Variants in GPAM observed in about 807,000 individuals in gnomAD.
The protein encoded by GPAM is glycerol-3-phosphate acyltransferase 1, mitochondrial.
In GPAM, 56 loss-of-function variants were observed where a neutral mutation model predicts 105.0. The ratio of observed to expected loss-of-function variants is 0.53; its 90% CI spans 0.43 to 0.67. GPAM has a LOEUF of 0.67. Ranked by LOEUF, GPAM falls within the 30% of genes least tolerant of loss-of-function variation. The pLI is 0.00. For synonymous variants in GPAM, 368 were observed against 354.4 expected (o/e 1.04, Z -0.43); for missense variants, 855 against 989.8 (o/e 0.86, Z 1.83).
intron 4 of GPAM, among the ~76,000 whole-genome samples, chr10:112,180,198 A>G (rs1847482664): frequency 6.6e-6 from 1 of 152,162 alleles, no homozygotes; most frequent in Non-Finnish European, 1.5e-5. Context: ...ACTCCTTTGA[A>G]GACTTAACCA....
At chr10:112,201,919 A>G (rs1409504436) in intron 1 of GPAM, among the ~76,000 whole-genome samples, 1 of 152,174 alleles carries the variant, frequency 6.6e-6, no homozygotes, top group African/African-American at 2.4e-5. Context: ...TTGAGCATTT[A>G]CTCTGTGCCA....
rs1254275012 is a variant in GPAM at position 112,152,216 on chromosome 10, C to T, written c.*1334G>A. 2.1e-6 allele frequency: 2 copies of T among 973,654 alleles called. No individual in the cohort carries two copies. Among genetic ancestry groups the T allele is most frequent in the African/African-American group, 3.5e-5 (2 of 56,888 alleles). The allele number at this position is 973,654 out of a possible 1,614,324, so 60.3% of individuals were successfully genotyped here. On this transcript the variant is annotated 3_prime_UTR_variant, in exon 22 of 22. Transcript: ENST00000348367. ...AATTCCATAATATCTTGGAGATAAG[C>T]AACAGTAAACTGTTAGAAAACGTTT... is the stretch of plus-strand genomic sequence containing the variant.
chr10:112,151,775 C>T lies in GPAM; in HGVS notation c.*1775G>A. On this transcript the variant is annotated 3_prime_UTR_variant, in exon 22 of 22. Transcript: ENST00000348367. Reference sequence around the variant, plus strand: ...AGAGACTAGTGAAATGTTTGCTTCCCCAGATAAGGAACACCCAAGACTCCC... The same window carrying T: ...AGAGACTAGTGAAATGTTTGCTTCCTCAGATAAGGAACACCCAAGACTCCC... 1.0e-6 allele frequency: 1 copy of T among 984,830 alleles called. No homozygotes were observed. The highest frequency in any genetic ancestry group is 1.2e-6 in the Non-Finnish European group (1 of 829,524). 61.0% of individuals were successfully genotyped at this position (984,830 alleles called of 1,614,324 possible).
In GPAM at chr10:112,175,581, C is replaced by G; in HGVS notation, c.413+19G>C. The G allele has an allele frequency of 7.5e-7, 1 of 1,341,274 alleles. No homozygotes were observed. The highest frequency in any genetic ancestry group is 2.3e-5 in the East Asian group (1 of 43,614). 83.1% of individuals were successfully genotyped at this position (1,341,274 alleles called of 1,614,324 possible). On this transcript the variant is annotated intron_variant, in intron 6 of 21. Coordinates refer to ENST00000348367, the MANE Select transcript of GPAM (RefSeq NM_001244949.2). The stretch of plus-strand genomic sequence containing the variant: ...CCATCCCTGCCTCTTCCCACCTTTA[C>G]ACCTTGCCCCGCCCTTACCTACTGC...
chr10:112,151,120 T>G lies in GPAM; in HGVS notation c.*2430A>C, dbSNP rs1204546842. On this transcript the variant is annotated 3_prime_UTR_variant, in exon 22 of 22. Coordinates refer to ENST00000348367, the MANE Select transcript of GPAM (RefSeq NM_001244949.2). Reference sequence around the variant, plus strand: ...TTCATGTTGTTTAATATTGTTTTTTTTTTTTAACTTGACCACAGTCTTCCC... The same window carrying G: ...TTCATGTTGTTTAATATTGTTTTTTGTTTTTAACTTGACCACAGTCTTCCC... The G allele has an allele frequency of 1.0e-6, 1 of 984,966 alleles. No homozygotes were observed. Among genetic ancestry groups the G allele is most frequent in the Admixed American group, 6.1e-5 (1 of 16,290 alleles). The allele number at this position is 984,966 out of a possible 1,614,324, so 61.0% of individuals were successfully genotyped here. A position where few individuals can be genotyped will look rare whatever the true frequency, so the allele number is the denominator to read the frequency against.
intron 20 of GPAM, 181 bp from the exon 21 acceptor site, chr10:112,154,868 C>A (rs770517340): frequency 1.1e-5 from 7 of 664,014 alleles, no homozygotes; most frequent in Admixed American, 2.2e-5. Flanking sequence ...TGCTGTTAAA[C>A]CTACTTTGCT....
Position 112,164,681 on chromosome 10 carries a change from T to C in GPAM, c.1222-71A>G. 4.7e-6 allele frequency: 4 copies of C among 855,662 alleles called. No individual in the cohort carries two copies. The East Asian group carries it at 7.3e-5, about 16-fold the overall frequency. The allele number at this position is 855,662 out of a possible 1,614,324, so 53.0% of individuals were successfully genotyped here. A position where few individuals can be genotyped will look rare whatever the true frequency, so the allele number is the denominator to read the frequency against. ...CAACATATAAAATGTAATTTCATCT[T>C]CCAAAGGTTAAAAGGGAGTTGTTTA... On this transcript the variant is annotated intron_variant, in intron 12 of 21. Coordinates refer to ENST00000348367, the MANE Select transcript of GPAM (RefSeq NM_001244949.2).
chr10:112,181,426 A>T (rs7094703), intron 3 of GPAM, among the ~76,000 whole-genome samples: 10,000 of 152,118 alleles, frequency 0.066, 1,091 homozygotes, highest in African/African-American at 0.23. Context: ...CCGACCCAAA[A>T]CTACTACTAG....
chr10:112,165,699 A>T (rs543261461), intron 12 of GPAM, among the ~76,000 whole-genome samples: 1 of 152,184 alleles, frequency 6.6e-6, no homozygotes, highest in Admixed American at 6.5e-5. Flanking sequence ...TCTCAAAAAA[A>T]AAGTTACCCA....
chr10:112,151,263 T>C lies in GPAM; in HGVS notation c.*2287A>G, dbSNP rs1846913058. The C allele has an allele frequency of 2.0e-6, 2 of 985,640 alleles. No individual in the cohort carries two copies. Among genetic ancestry groups the C allele is most frequent in the South Asian group, 9.4e-5 (2 of 21,280 alleles). The allele number at this position is 985,640 out of a possible 1,614,324, so 61.1% of individuals were successfully genotyped here. The stretch of plus-strand genomic sequence containing the variant: ...GGAAGCCATCACTGTTGGAAAACAA[T>C]GAGAATGTATCTTTTAGCAAAACGG... On this transcript the variant is annotated 3_prime_UTR_variant, in exon 22 of 22. Transcript: ENST00000348367.
rs963839586 is a variant in GPAM, at chr10:112,150,279, C to T, written c.*3271G>A. 1.0e-6 allele frequency: 1 copy of T among 985,210 alleles called. No individual in the cohort carries two copies. 61.0% of individuals were successfully genotyped at this position (985,210 alleles called of 1,614,324 possible). ...ACTACAACTATCTGTGGATAAAAAT[C>T]TGCATTCAAACGTACAATACTTTCT... On this transcript the variant is annotated 3_prime_UTR_variant, in exon 22 of 22. Transcript: ENST00000348367.
chr10:112,206,882 A>C (rs1046596251), intron 1 of GPAM, among the ~76,000 whole-genome samples: 3 of 151,806 alleles, frequency 2.0e-5, no homozygotes, highest in Non-Finnish European at 4.4e-5. Flanking sequence ...TCTTCACTCT[A>C]CCTCCATGCC....
In GPAM at chr10:112,160,013, C is replaced by G; in HGVS notation, c.1800G>C (p.Gly600=). ...GGTTAGGTGGGGTGCTAGTGGGACC[C>G]CCCAGTCCCCTCTTGTTCAGAACTG... ...LYAVLNKRGL[G]GPTSTPPNLI... Residue 600 remains glycine (G), a synonymous_variant, in exon 17 of 22, where the codon GGG becomes GGC. Transcript: ENST00000348367. 6.2e-7 allele frequency: 1 copy of G among 1,613,298 alleles called. No individual in the cohort carries two copies. The highest frequency in any genetic ancestry group is 8.5e-7 in the Non-Finnish European group (1 of 1,179,302).
intron 5 of GPAM, among the ~76,000 whole-genome samples, chr10:112,176,825 T>C (rs1217998101): frequency 6.6e-6 from 1 of 152,208 alleles, no homozygotes; most frequent in Non-Finnish European, 1.5e-5. Flanking sequence ...TGTTTTAGGC[T>C]TTGCTTCATA....
the GPAM span, among the ~76,000 whole-genome samples, chr10:112,224,746 C>T: frequency 6.6e-6 from 1 of 152,090 alleles, no homozygotes. Flanking sequence ...TTTTCTGCCC[C>T]TAAGAATCCA....
intron 3 of GPAM, among the ~76,000 whole-genome samples, chr10:112,181,132 G>A (rs553302570): frequency 1.5e-4 from 22 of 150,870 alleles, no homozygotes; most frequent in Middle Eastern, 3.4e-3. Context: ...GCTTAACTTT[G>A]AGCTCAGTTG....
At chr10:112,203,169 T>C (rs1040712231) in intron 1 of GPAM, among the ~76,000 whole-genome samples, 7 of 152,174 alleles carry the variant, frequency 4.6e-5, no homozygotes, top group Middle Eastern at 3.2e-3. Context: ...CTGTTTCATC[T>C]AGCTAAGATG....
chr10:112,177,873 T>C (rs1469941470), intron 5 of GPAM, 111 bp downstream of exon 5: 1 of 671,486 alleles, frequency 1.5e-6, no homozygotes, highest in Non-Finnish European at 2.7e-6. Flanking sequence ...CAGAAACTCA[T>C]ATTCTATTCA....
intron 16 of GPAM, 110 bp from the exon 17 acceptor site, chr10:112,160,163 G>T: frequency 9.0e-7 from 1 of 1,109,490 alleles, no homozygotes; most frequent in Non-Finnish European, 1.3e-6. Flanking sequence ...ATAATGGCCT[G>T]TATTTGGAGA....
Sources: allele counts gnomAD v4.1 joint callset (sites outside exome capture counted in the v4.1 genomes callset), GRCh38; gene constraint gnomAD v4.1.1; transcripts MANE v1.5; gene names NCBI Gene and HGNC (gene_info 2026-07-23, HGNC 2026-07-21).